CLSTN2: variants seen among roughly 807,000 people sequenced by gnomAD.
The protein encoded by CLSTN2 is calsyntenin 2, also known as calsyntenin-2.
In CLSTN2, 48 loss-of-function variants were observed where a neutral mutation model predicts 101.2. The observed-to-expected ratio is 0.47, with a 90% confidence interval of 0.38 to 0.60. The LOEUF is 0.60. CLSTN2 is among the 20% of genes least tolerant of loss of function. CLSTN2 has a pLI of 0.00. For synonymous variants in CLSTN2, 481 were observed against 463.6 expected (o/e 1.04, Z -0.48); for missense variants, 1,160 against 1,238.2 (o/e 0.94, Z 0.95).
chr3:139,963,214 A>G (rs554085933), intron 1 of CLSTN2, among the ~76,000 whole-genome samples: 49 of 152,064 alleles, frequency 3.2e-4, no homozygotes, highest in Non-Finnish European at 5.6e-4. Context: ...CTTCCCACAC[A>G]GGGTTTGGAG....
intron 4 of CLSTN2, among the ~76,000 whole-genome samples, chr3:140,410,348 C>T (rs887934275): frequency 7.0e-6 from 1 of 141,858 alleles, no homozygotes; most frequent in Non-Finnish European, 1.5e-5. Flanking sequence ...GTATATTTCT[C>T]AACAGAAACC....
rs2010234607 is a variant in CLSTN2 at position 140,171,796 on chromosome 3, A to G, written c.110-4155A>G. Among the ~76,000 whole-genome samples, 6 of 107,214 alleles carry G rather than the reference A, an allele frequency of 5.6e-5. No homozygotes were observed. In the Admixed American group the frequency reaches 7.8e-4, roughly 14 times the overall value. The allele number at this position is 107,214 out of a possible 152,430, so 70.3% of individuals were successfully genotyped here. A position where few individuals can be genotyped will look rare whatever the true frequency, so the allele number is the denominator to read the frequency against. On this transcript the variant is annotated intron_variant, in intron 1 of 16. Transcript: ENST00000458420. ...ATATGTATTATATAATATATAATAT[A>G]TAATATGTATTATATATTATATATT...
chr3:140,007,649 C>A (rs559305376), intron 1 of CLSTN2, among the ~76,000 whole-genome samples: 1 of 152,128 alleles, frequency 6.6e-6, no homozygotes, highest in Non-Finnish European at 1.5e-5. Flanking sequence ...TGCAAGGCGG[C>A]GGTGGGAGGC....
chr3:140,358,725 T>G (rs532578198), intron 2 of CLSTN2, among the ~76,000 whole-genome samples: 1 of 152,232 alleles, frequency 6.6e-6, no homozygotes, highest in East Asian at 1.9e-4. Flanking sequence ...TGCCCCCACC[T>G]CTTCACTCCA....
At chr3:140,465,659 C>T (rs771972842) in intron 7 of CLSTN2, among the ~76,000 whole-genome samples, 3 of 152,146 alleles carry the variant, frequency 2.0e-5, no homozygotes, top group Non-Finnish European at 4.4e-5. Flanking sequence ...TAGCAGTATT[C>T]CATTCTTGGG....
chr3:140,486,091 C>A (rs1002633773), intron 8 of CLSTN2, among the ~76,000 whole-genome samples: 2 of 151,058 alleles, frequency 1.3e-5, no homozygotes, highest in African/African-American at 4.9e-5. Flanking sequence ...TTGGCTCCAC[C>A]CCACAAAGAT....
At chr3:140,265,609 C>T (rs573704448) in intron 2 of CLSTN2, among the ~76,000 whole-genome samples, 33 of 152,292 alleles carry the variant, frequency 2.2e-4, no homozygotes, top group Non-Finnish European at 4.0e-4. Context: ...TTTCCATCAG[C>T]ATTGACTTTT....
chr3:140,317,010 T>A (rs2087237183), intron 2 of CLSTN2, among the ~76,000 whole-genome samples: 1 of 152,136 alleles, frequency 6.6e-6, no homozygotes, highest in Admixed American at 6.5e-5. Flanking sequence ...TCCAGAACAT[T>A]AAGAAAATTC....
intron 1 of CLSTN2, among the ~76,000 whole-genome samples, chr3:140,124,073 G>A (rs963379706): frequency 1.3e-5 from 2 of 152,108 alleles, no homozygotes; most frequent in Non-Finnish European, 2.9e-5. Context: ...AAAAGAGGTG[G>A]TGATAAGTGC....
chr3:140,485,835 C>A (rs527407383), intron 8 of CLSTN2, among the ~76,000 whole-genome samples: 1 of 151,982 alleles, frequency 6.6e-6, no homozygotes, highest in Non-Finnish European at 1.5e-5. Context: ...GTGAGTGACC[C>A]GATTTTCCAG....
chr3:140,440,460 A>G (rs545654721), intron 5 of CLSTN2, among the ~76,000 whole-genome samples: 1 of 152,302 alleles, frequency 6.6e-6, no homozygotes, highest in Admixed American at 6.5e-5. Flanking sequence ...TTCTTTTTAA[A>G]TGGTACCTGT....
chr3:140,526,924 C>T (rs1424832075), intron 8 of CLSTN2, among the ~76,000 whole-genome samples: 2 of 152,096 alleles, frequency 1.3e-5, no homozygotes, highest in African/African-American at 4.8e-5. Flanking sequence ...TCACCATATA[C>T]AAAAATTAAC....
rs60145180 is a variant in CLSTN2, at chr3:140,236,855, GTGTGTGTGTA to G, written c.232+60784_232+60793del. Among the ~76,000 whole-genome samples, 821 of 116,344 alleles carry G rather than the reference GTGTGTGTGTA, an allele frequency of 7.1e-3. 4 individuals are homozygous for G. Among genetic ancestry groups the G allele is most frequent in the Middle Eastern group, 0.017 (4 of 234 alleles). 76.3% of individuals were successfully genotyped at this position (116,344 alleles called of 152,430 possible). On this transcript the variant is annotated intron_variant, in intron 2 of 16. Coordinates refer to ENST00000458420, the MANE Select transcript of CLSTN2 (RefSeq NM_022131.3). ...TGTGTGTGTGTGTGTGTGTGTGTGT[GTGTGTGTGTA>G]TATAAATTTCACTGTCTTACCTTCT...
At position 140,401,762 on chromosome 3, in the gene CLSTN2, G is replaced by C. The variant is rs562589174; in HGVS notation, c.233-1867G>C. 1.9e-3 allele frequency among the ~76,000 whole-genome samples: 292 copies of C among 152,258 alleles called. 1 individual carries two copies. Among genetic ancestry groups the C allele is most frequent in the African/African-American group, 6.6e-3 (273 of 41,530 alleles). On this transcript the variant is annotated intron_variant, in intron 2 of 16. Transcript: ENST00000458420. ...TATTGTCATATTGGCATTGATCTTGGGAGAGAATCAAAAAGCAGCTACTTT... is the reference window on the plus strand; with the variant it reads ...TATTGTCATATTGGCATTGATCTTGCGAGAGAATCAAAAAGCAGCTACTTT...
At chr3:140,082,524 T>G (rs1272747014) in intron 1 of CLSTN2, among the ~76,000 whole-genome samples, 1 of 152,152 alleles carries the variant, frequency 6.6e-6, no homozygotes, top group East Asian at 1.9e-4. Flanking sequence ...ACCCTGGATT[T>G]TGAGAGCCTC....
At chr3:140,477,172 T>C (rs953437221) in intron 8 of CLSTN2, among the ~76,000 whole-genome samples, 1 of 152,244 alleles carries the variant, frequency 6.6e-6, no homozygotes, top group African/African-American at 2.4e-5. Context: ...TATGAGTCAT[T>C]TGTTTCCATC....
At chr3:140,529,820 T>C (rs887055988) in intron 8 of CLSTN2, among the ~76,000 whole-genome samples, 2 of 152,196 alleles carry the variant, frequency 1.3e-5, no homozygotes, top group African/African-American at 4.8e-5. Flanking sequence ...ATGCTCTCCC[T>C]GTTGATGTTG....
At chr3:140,488,322 C>G (rs1334833276) in intron 8 of CLSTN2, among the ~76,000 whole-genome samples, 1 of 152,168 alleles carries the variant, frequency 6.6e-6, no homozygotes, top group African/African-American at 2.4e-5. Flanking sequence ...TTTCTCAGAT[C>G]TGTTTGCCAC....
In CLSTN2 at chr3:140,042,308, G is replaced by C. The variant is rs533227571; in HGVS notation, c.109+106825G>C. On this transcript the variant is annotated intron_variant, in intron 1 of 16. Coordinates refer to ENST00000458420, the MANE Select transcript of CLSTN2 (RefSeq NM_022131.3). ...CACAGTTATCCATATTGAGTATTGCGCATAAATGGAATTAGAAAAAATGTG... is the reference window on the plus strand; with the variant it reads ...CACAGTTATCCATATTGAGTATTGCCCATAAATGGAATTAGAAAAAATGTG... 7.9e-5 allele frequency among the ~76,000 whole-genome samples: 12 copies of C among 152,188 alleles called. No individual in the cohort carries two copies. The East Asian group carries it at 1.9e-3, about 24-fold the overall frequency.
Sources: allele counts gnomAD v4.1 joint callset (sites outside exome capture counted in the v4.1 genomes callset), GRCh38; gene constraint gnomAD v4.1.1; transcripts MANE v1.5; gene names NCBI Gene and HGNC (gene_info 2026-07-23, HGNC 2026-07-21).